CTNNA3: variants seen among roughly 807,000 people sequenced by gnomAD.
The protein encoded by CTNNA3 is catenin alpha 3.
CTNNA3 carries 76 observed loss-of-function variants against 95.7 expected under a neutral mutation model. The ratio of observed to expected loss-of-function variants is 0.79; its 90% confidence interval spans 0.66 to 0.96. CTNNA3 has a LOEUF of 0.96. Among genes scored for constraint, CTNNA3 ranks in the 40% least tolerant of loss-of-function variants. The pLI is 0.00. For missense variants in CTNNA3, 1,191 were observed against 1,089.8 expected, an observed-to-expected ratio of 1.09 and a Z score of -1.31; for synonymous variants, 431 against 374.4, an observed-to-expected ratio of 1.15 and a Z score of -1.74.
intron 7 of CTNNA3, among the ~76,000 whole-genome samples, chr10:66,950,867 C>A (rs530581247): frequency 6.6e-6 from 1 of 152,192 alleles, no homozygotes; most frequent in East Asian, 1.9e-4. Context: ...GGTCTTAACC[C>A]ATTTTATAGG....
chr10:66,011,671 G>A (rs1354365063), intron 15 of CTNNA3, among the ~76,000 whole-genome samples: 1 of 152,070 alleles, frequency 6.6e-6, no homozygotes, highest in East Asian at 1.9e-4. Flanking sequence ...GGTCAATCAA[G>A]CCTGGCACTT....
At chr10:65,963,562 T>C (rs1237437046) in intron 17 of CTNNA3, among the ~76,000 whole-genome samples, 1 of 152,220 alleles carries the variant, frequency 6.6e-6, no homozygotes, top group Non-Finnish European at 1.5e-5. Flanking sequence ...CAATGTTGTA[T>C]GGTTTATTAC....
intron 7 of CTNNA3, among the ~76,000 whole-genome samples, chr10:66,991,522 ATT>A (rs1851036375): frequency 6.6e-6 from 1 of 152,154 alleles, no homozygotes; most frequent in African/African-American, 2.4e-5. Flanking sequence ...CAAATAAAAC[ATT>A]TTGTAGACTC....
At chr10:66,503,288 T>C (rs1840341251) in intron 11 of CTNNA3, among the ~76,000 whole-genome samples, 1 of 152,204 alleles carries the variant, frequency 6.6e-6, no homozygotes, top group African/African-American at 2.4e-5. Flanking sequence ...AAAACAGTCC[T>C]ATCACCTAGT....
chr10:66,680,263 C>G (rs1411990144), intron 9 of CTNNA3, among the ~76,000 whole-genome samples: 1 of 151,980 alleles, frequency 6.6e-6, no homozygotes, highest in Non-Finnish European at 1.5e-5. Flanking sequence ...ATCTCCTGAC[C>G]TCGTGATCCT....
chr10:67,500,995 G>C (rs1207121036), intron 5 of CTNNA3, among the ~76,000 whole-genome samples: 1 of 152,170 alleles, frequency 6.6e-6, no homozygotes, highest in Non-Finnish European at 1.5e-5. Context: ...GTGTCAATTT[G>C]ATCCTGTCAT....
At chr10:66,973,447 G>A (rs1203735266) in intron 7 of CTNNA3, among the ~76,000 whole-genome samples, 1 of 152,114 alleles carries the variant, frequency 6.6e-6, no homozygotes, top group Admixed American at 6.6e-5. Context: ...TGTAAGCTTA[G>A]AAGCATTAAT....
intron 1 of CTNNA3, among the ~76,000 whole-genome samples, chr10:67,724,865 G>A (rs1415656366): frequency 2.0e-5 from 3 of 152,064 alleles, no homozygotes; most frequent in African/African-American, 7.2e-5. Flanking sequence ...ATAATTAGAG[G>A]CTTAGGAAAG....
intron 10 of CTNNA3, among the ~76,000 whole-genome samples, chr10:66,608,043 G>C (rs918803953): frequency 1.3e-5 from 2 of 152,032 alleles, no homozygotes; most frequent in Admixed American, 6.6e-5. Flanking sequence ...CCTATATCTA[G>C]AAAATCCCAC....
chr10:66,999,137 G>A (rs1414916002), intron 7 of CTNNA3, among the ~76,000 whole-genome samples: 3 of 151,974 alleles, frequency 2.0e-5, no homozygotes, highest in Admixed American at 1.3e-4. Context: ...AAAGATATTT[G>A]TACTACTTTT....
At chr10:67,710,430 A>G (rs1298278182) in intron 1 of CTNNA3, among the ~76,000 whole-genome samples, 1 of 152,124 alleles carries the variant, frequency 6.6e-6, no homozygotes, top group African/African-American at 2.4e-5. Flanking sequence ...TCTGAGGGAG[A>G]AGTTAATTCT....
At chr10:67,228,278 T>A (rs1234098114) in intron 5 of CTNNA3, among the ~76,000 whole-genome samples, 2 of 152,104 alleles carry the variant, frequency 1.3e-5, no homozygotes, top group Non-Finnish European at 2.9e-5. Flanking sequence ...TTAGCAAGAC[T>A]AACCAAGAAA....
chr10:67,234,537 C>G (rs1482928070), intron 5 of CTNNA3, among the ~76,000 whole-genome samples: 1 of 152,110 alleles, frequency 6.6e-6, no homozygotes, highest in Non-Finnish European at 1.5e-5. Flanking sequence ...CTATCTATGA[C>G]AAACCCACAG....
intron 5 of CTNNA3, among the ~76,000 whole-genome samples, chr10:67,305,061 A>G (rs546507385): frequency 2.6e-4 from 39 of 152,124 alleles, no homozygotes; most frequent in East Asian, 7.8e-4. Flanking sequence ...CGGATCACGA[A>G]GTCAGGAGAT....
intron 7 of CTNNA3, among the ~76,000 whole-genome samples, chr10:66,884,833 C>A (rs1844984073): frequency 6.6e-6 from 1 of 152,034 alleles, no homozygotes; most frequent in Non-Finnish European, 1.5e-5. Context: ...AGAGTTTGGG[C>A]AATCCTGAAC....
intron 8 of CTNNA3, among the ~76,000 whole-genome samples, chr10:66,768,063 G>A (rs1839937635): frequency 6.6e-6 from 1 of 152,122 alleles, no homozygotes; most frequent in Non-Finnish European, 1.5e-5. Flanking sequence ...GGGAAGTCAG[G>A]CGTAAGGTCA....
chr10:66,578,907 T>A (rs1223303101), intron 10 of CTNNA3, among the ~76,000 whole-genome samples: 1 of 151,608 alleles, frequency 6.6e-6, no homozygotes, highest in Non-Finnish European at 1.5e-5. Context: ...TTCAGTAGGA[T>A]TAGTACTAGC....
intron 7 of CTNNA3, chr10:67,097,638 A>G (rs781343554): frequency 1.1e-5 from 17 of 1,612,494 alleles, no homozygotes; most frequent in East Asian, 4.5e-5. Context: ...CCAGCCCACA[A>G]TAAGTTACTG....
At position 65,938,901 on chromosome 10, in the gene CTNNA3, T is replaced by TC. The variant is rs751356926; in HGVS notation, c.2401-18285dup. On this transcript the variant is annotated intron_variant, in intron 17 of 17. Transcript: ENST00000433211. Reference sequence around the variant, plus strand: ...TAGAAAGAGTTTTCCTTTTTTTTTTTCTCTTTTTTCTTTTCTTTTTAGACG... The same window carrying TC: ...TAGAAAGAGTTTTCCTTTTTTTTTTTCCTCTTTTTTCTTTTCTTTTTAGACG... Among the ~76,000 whole-genome samples, 7 of 131,724 alleles carry TC rather than the reference T, an allele frequency of 5.3e-5. No homozygotes were observed. The East Asian group carries it at 1.3e-3, about 24-fold the overall frequency. The allele number at this position is 131,724 out of a possible 152,430, so 86.4% of individuals were successfully genotyped here.
Sources: gnomAD v4.1 joint callset for allele counts (sites outside exome capture counted in the v4.1 genomes callset) on GRCh38, gnomAD v4.1.1 for gene constraint, MANE v1.5 for transcripts, NCBI Gene and HGNC (gene_info 2026-07-23, HGNC 2026-07-21) for gene names.